LCLAT1: variants seen among roughly 807,000 people sequenced by gnomAD.
LCLAT1 encodes the protein lysocardiolipin acyltransferase 1, also known as 1-AGP acyltransferase 8.
Under a neutral mutation model 30.7 loss-of-function variants are expected in LCLAT1, and 11 were observed. The ratio of observed to expected loss-of-function variants is 0.36; its 90% confidence interval spans 0.23 to 0.59. The LOEUF (loss-of-function observed/expected upper bound fraction) is 0.59. Ranked by LOEUF, LCLAT1 falls within the 20% of genes least tolerant of loss-of-function variation. LCLAT1 has a pLI of 0.77. For missense variants in LCLAT1, 402 were observed against 458.6 expected (o/e 0.88, Z 1.13); for synonymous variants, 155 against 151.3 (o/e 1.02, Z -0.18).
At chr2:30,484,634 T>A (rs974244147) in intron 1 of LCLAT1, among the ~76,000 whole-genome samples, 5 of 152,144 alleles carry the variant, frequency 3.3e-5, no homozygotes, top group African/African-American at 1.2e-4. Context: ...TGTTTCTTTG[T>A]CCAGAGCTTA....
intron 5 of LCLAT1, among the ~76,000 whole-genome samples, chr2:30,598,004 G>C (rs1374803631): frequency 2.6e-5 from 4 of 152,136 alleles, no homozygotes; most frequent in Non-Finnish European, 5.9e-5. Flanking sequence ...CTTGATCATG[G>C]TGTATAAGTT....
intron 1 of LCLAT1, among the ~76,000 whole-genome samples, chr2:30,454,943 A>G (rs1211938783): frequency 6.6e-6 from 1 of 152,188 alleles, no homozygotes; most frequent in Non-Finnish European, 1.5e-5. Context: ...TGAAACCTAT[A>G]TAATTTAGCT....
intron 5 of LCLAT1, chr2:30,607,049 C>T (rs1354095359): frequency 2.6e-5 from 4 of 152,036 alleles, no homozygotes; most frequent in Non-Finnish European, 5.9e-5. Context: ...CATCTCACAC[C>T]AGTCCAAATG....
At chr2:30,465,358 C>T (rs1682366766) in intron 1 of LCLAT1, among the ~76,000 whole-genome samples, 1 of 152,160 alleles carries the variant, frequency 6.6e-6, no homozygotes, top group African/African-American at 2.4e-5. Flanking sequence ...AACAGATTCT[C>T]ACCTGGAGCC....
chr2:30,507,737 T>C (rs922372437), intron 1 of LCLAT1, among the ~76,000 whole-genome samples: 1 of 152,224 alleles, frequency 6.6e-6, no homozygotes, highest in Admixed American at 6.5e-5. Flanking sequence ...GTTGATTCCA[T>C]GTGTTTGCTA....
intron 5 of LCLAT1, among the ~76,000 whole-genome samples, chr2:30,598,419 T>C (rs948972055): frequency 5.3e-5 from 8 of 151,680 alleles, no homozygotes; most frequent in African/African-American, 1.9e-4. Context: ...ATTTTCTTTT[T>C]TTTTTTTTTT....
intron 1 of LCLAT1, among the ~76,000 whole-genome samples, chr2:30,506,843 G>T (rs1684686827): frequency 6.6e-6 from 1 of 152,066 alleles, no homozygotes; most frequent in Non-Finnish European, 1.5e-5. Flanking sequence ...TCTATCCATA[G>T]ATTTAAAAGA....
rs555472183 is a variant in LCLAT1 at position 30,641,021 on chromosome 2, T to C, written c.*402T>C. On this transcript the variant is annotated 3_prime_UTR_variant, in exon 6 of 6. Coordinates refer to ENST00000379509, the MANE Select transcript of LCLAT1 (RefSeq NM_001002257.3). ...TTACTGGACTGCCCAGGTCACCTCA[T>C]TGAGGTGAGCGCTGTCCCTCCAGGT... 1.3e-3 allele frequency: 230 copies of C among 174,138 alleles called. No homozygotes were observed. Among genetic ancestry groups the C allele is most frequent in the African/African-American group, 5.1e-3 (211 of 41,700 alleles). 10.8% of individuals were successfully genotyped at this position (174,138 alleles called of 1,614,324 possible).
At chr2:30,606,209 T>G (rs1237730612) in intron 5 of LCLAT1, 1 of 325,918 alleles carries the variant, frequency 3.1e-6, no homozygotes, top group East Asian at 1.5e-4. Flanking sequence ...AAACTGCCGT[T>G]GACATTCTTC....
At chr2:30,529,859 C>G (rs1685905198) in intron 2 of LCLAT1, among the ~76,000 whole-genome samples, 1 of 152,134 alleles carries the variant, frequency 6.6e-6, no homozygotes, top group South Asian at 2.1e-4. Context: ...AGAACCAGAC[C>G]TAATCTGAGC....
At chr2:30,513,207 A>G (rs993674423) in intron 1 of LCLAT1, among the ~76,000 whole-genome samples, 16 of 152,032 alleles carry the variant, frequency 1.1e-4, no homozygotes, top group African/African-American at 3.1e-4. Context: ...TTTCACTGGA[A>G]AATTTGTTGA....
chr2:30,621,095 T>C (rs995662980), intron 5 of LCLAT1, among the ~76,000 whole-genome samples: 1 of 152,196 alleles, frequency 6.6e-6, no homozygotes, highest in African/African-American at 2.4e-5. Flanking sequence ...TGGCCAGGTA[T>C]CTTGATAGGA....
chr2:30,459,569 G>C (rs749255011), intron 1 of LCLAT1: 1 of 1,325,204 alleles, frequency 7.5e-7, no homozygotes. Context: ...AACAGAGTGG[G>C]TACTCTCTTC....
chr2:30,625,606 A>G (rs1451251968), intron 5 of LCLAT1, among the ~76,000 whole-genome samples: 2 of 152,230 alleles, frequency 1.3e-5, no homozygotes, highest in African/African-American at 4.8e-5. Flanking sequence ...AATCACACAG[A>G]AAGATGGTAG....
intron 1 of LCLAT1, among the ~76,000 whole-genome samples, chr2:30,471,119 G>A (rs532984746): frequency 2.6e-5 from 4 of 151,754 alleles, no homozygotes; most frequent in African/African-American, 7.2e-5. Flanking sequence ...TCACCATTTT[G>A]GCCATGCTGA....
At chr2:30,580,334 C>T (rs941646343) in intron 5 of LCLAT1, among the ~76,000 whole-genome samples, 4 of 152,106 alleles carry the variant, frequency 2.6e-5, no homozygotes, top group African/African-American at 9.7e-5. Flanking sequence ...TGGATATATG[C>T]TGTCTAAGGT....
At chr2:30,630,284 C>T (rs1668708159) in intron 5 of LCLAT1, among the ~76,000 whole-genome samples, 1 of 152,136 alleles carries the variant, frequency 6.6e-6, no homozygotes, top group South Asian at 2.1e-4. Context: ...GGCTTATCTC[C>T]AAGTATAGTC....
intron 5 of LCLAT1, among the ~76,000 whole-genome samples, chr2:30,569,094 C>T (rs1293457889): frequency 6.6e-6 from 1 of 152,142 alleles, no homozygotes; most frequent in Non-Finnish European, 1.5e-5. Context: ...ATAGAACTGG[C>T]ATCCAGTGCG....
chr2:30,552,031 G>A (rs1040920620), intron 3 of LCLAT1, among the ~76,000 whole-genome samples: 20 of 152,132 alleles, frequency 1.3e-4, no homozygotes, highest in African/African-American at 4.8e-4. Context: ...TTAAGATGTG[G>A]ACATCTTTTG....
Sources: allele counts gnomAD v4.1 joint callset (sites outside exome capture counted in the v4.1 genomes callset), GRCh38; gene constraint gnomAD v4.1.1; transcripts MANE v1.5; gene names NCBI Gene and HGNC (gene_info 2026-07-23, HGNC 2026-07-21).